PDE4D: variants seen among roughly 807,000 people sequenced by gnomAD.
PDE4D encodes 3',5'-cyclic-AMP phosphodiesterase 4D.
PDE4D carries 24 observed loss-of-function variants against 87.4 expected under a neutral mutation model. The observed-to-expected ratio is 0.27, with a 90% CI of 0.20 to 0.39. The LOEUF is 0.39. Among genes scored for constraint, PDE4D ranks in the 10% least tolerant of loss-of-function variants. The pLI is 1.00. For missense variants in PDE4D, 714 were observed against 1,041.0 expected (o/e 0.69, Z 4.32); for synonymous variants, 384 against 383.2 (o/e 1.00, Z -0.02).
At chr5:59,460,237 A>T (rs1800562379) in intron 1 of PDE4D, among the ~76,000 whole-genome samples, 1 of 152,212 alleles carries the variant, frequency 6.6e-6, no homozygotes, top group Admixed American at 6.5e-5. Flanking sequence ...AGGAAAATGG[A>T]TTAAAACTTT....
intron 1 of PDE4D, among the ~76,000 whole-genome samples, chr5:59,560,320 T>C (rs1486704169): frequency 1.3e-5 from 2 of 152,192 alleles, no homozygotes; most frequent in African/African-American, 4.8e-5. Context: ...TTTTATGTCT[T>C]ATAGCATGTA....
intron 3 of PDE4D, among the ~76,000 whole-genome samples, chr5:59,913,563 G>A (rs564071061): frequency 6.6e-6 from 1 of 152,006 alleles, no homozygotes; most frequent in Non-Finnish European, 1.5e-5. Flanking sequence ...GAGCTTTGGT[G>A]GAAATAAGTC....
intron 4 of PDE4D, among the ~76,000 whole-genome samples, chr5:59,183,380 C>T (rs187131701): frequency 3.0e-4 from 46 of 152,278 alleles, no homozygotes; most frequent in Middle Eastern, 6.8e-3. Context: ...TCTGTTCCAT[C>T]CCTGTATGTC....
chr5:59,115,308 G>A (rs76877680), intron 5 of PDE4D, among the ~76,000 whole-genome samples: 6,937 of 152,188 alleles, frequency 0.046, 199 homozygotes, highest in African/African-American at 0.066. Flanking sequence ...TCCAAAGATG[G>A]GTTGAGCTTA....
At chr5:59,033,755 C>T (rs1561354182) in intron 6 of PDE4D, among the ~76,000 whole-genome samples, 2 of 151,962 alleles carry the variant, frequency 1.3e-5, no homozygotes, top group South Asian at 2.1e-4. Flanking sequence ...GAATTTTTTT[C>T]GAAAACGTAG....
At chr5:59,476,692 T>C (rs922583087) in intron 1 of PDE4D, among the ~76,000 whole-genome samples, 1 of 152,070 alleles carries the variant, frequency 6.6e-6, no homozygotes, top group Admixed American at 6.6e-5. Flanking sequence ...ACCTTTAATA[T>C]AGATTATGGT....
At chr5:60,464,508 A>G (rs557602047) in intron 1 of PDE4D, among the ~76,000 whole-genome samples, 1 of 151,784 alleles carries the variant, frequency 6.6e-6, no homozygotes, top group Admixed American at 6.6e-5. Context: ...AAAAAACTCT[A>G]CTCCTCTGGC....
intron 1 of PDE4D, among the ~76,000 whole-genome samples, chr5:59,326,799 A>C (rs1196438186): frequency 6.6e-6 from 1 of 152,152 alleles, no homozygotes; most frequent in African/African-American, 2.4e-5. Flanking sequence ...ACTTTCTTGC[A>C]TTTCCATTGC....
intron 4 of PDE4D, among the ~76,000 whole-genome samples, chr5:59,183,549 A>T (rs191900449): frequency 6.6e-6 from 1 of 152,294 alleles, no homozygotes; most frequent in East Asian, 1.9e-4. Context: ...TAAAGACAAA[A>T]ATCTCAGTTT....
intron 1 of PDE4D, among the ~76,000 whole-genome samples, chr5:59,407,480 G>A (rs572290545): frequency 1.3e-5 from 2 of 152,288 alleles, no homozygotes; most frequent in African/African-American, 4.8e-5. Flanking sequence ...GTGGGGCATT[G>A]CTATAAAGAT....
chr5:59,364,838 CACCTACCTTCCTTCCTTCCTTCCT>C (rs1472873743), intron 1 of PDE4D, among the ~76,000 whole-genome samples: 4 of 151,956 alleles, frequency 2.6e-5, no homozygotes, highest in Admixed American at 6.6e-5. Context: ...CTTGCCCACC[CACCTACCTTCCTTCCTTCCTTCCT>C]ACCTACCTTC....
intron 1 of PDE4D, among the ~76,000 whole-genome samples, chr5:59,823,827 A>T: frequency 6.9e-6 from 1 of 145,982 alleles, no homozygotes; most frequent in Non-Finnish European, 1.5e-5. Context: ...ATTCTTTGGG[A>T]CCTTTGCTAT....
At chr5:58,976,281 C>A in intron 13 of PDE4D, 69 bp downstream of exon 13, 1 of 1,506,078 alleles carries the variant, frequency 6.6e-7, no homozygotes, top group Non-Finnish European at 9.0e-7. Context: ...CTTATCAAAG[C>A]TGAACACGCA....
intron 1 of PDE4D, among the ~76,000 whole-genome samples, chr5:59,859,490 T>G (rs1221885915): frequency 1.3e-5 from 2 of 152,166 alleles, no homozygotes. Flanking sequence ...GATAATAAGG[T>G]TAGTAACCCT....
At chr5:60,072,615 T>A (rs932969889) in intron 2 of PDE4D, among the ~76,000 whole-genome samples, 7 of 152,164 alleles carry the variant, frequency 4.6e-5, no homozygotes, top group Non-Finnish European at 1.5e-5. Flanking sequence ...GCTTAGGTTG[T>A]CTTCCAGAGC....
At chr5:60,102,331 G>A (rs796732215) in intron 2 of PDE4D, among the ~76,000 whole-genome samples, 8 of 152,042 alleles carry the variant, frequency 5.3e-5, no homozygotes, top group African/African-American at 1.9e-4. Flanking sequence ...GTGTGATGTT[G>A]AGGTTTGGGA....
chr5:60,303,517 C>T (rs976699690), intron 1 of PDE4D, among the ~76,000 whole-genome samples: 1 of 151,518 alleles, frequency 6.6e-6, no homozygotes, highest in Non-Finnish European at 1.5e-5. Flanking sequence ...CCGTGTTAGC[C>T]AGGATGGTCT....
chr5:59,529,444 A>T (rs1459002083), intron 1 of PDE4D, among the ~76,000 whole-genome samples: 1 of 152,194 alleles, frequency 6.6e-6, no homozygotes, highest in Non-Finnish European at 1.5e-5. Context: ...CCAATGACAC[A>T]GAGCCAGCCA....
At chr5:59,539,179 C>T (rs1376153750) in intron 1 of PDE4D, among the ~76,000 whole-genome samples, 2 of 152,150 alleles carry the variant, frequency 1.3e-5, no homozygotes, top group African/African-American at 2.4e-5. Flanking sequence ...CAACCTTAGC[C>T]CATTATAGTG....
Sources: gnomAD v4.1 joint callset for allele counts (sites outside exome capture counted in the v4.1 genomes callset) on GRCh38, gnomAD v4.1.1 for gene constraint, MANE v1.5 for transcripts, NCBI Gene and HGNC (gene_info 2026-07-23, HGNC 2026-07-21) for gene names.